The following ST6GAL1 variants were observed in gnomAD, a reference collection of about 807,000 sequenced individuals.
The protein encoded by ST6GAL1 is ST6 beta-galactoside alpha-2,6-sialyltransferase 1, also known as beta-galactoside alpha-2,6-sialyltransferase 1.
Under a neutral mutation model 38.0 loss-of-function variants are expected in ST6GAL1, and 20 were observed. That is an observed-to-expected ratio of 0.53 (90% CI 0.37 to 0.77). The LOEUF is 0.77. Among genes scored for constraint, ST6GAL1 ranks in the 30% least tolerant of loss-of-function variants. ST6GAL1 has a pLI of 0.00. For missense variants in ST6GAL1, 432 were observed against 496.4 expected (o/e 0.87, Z 1.23); for synonymous variants, 196 against 188.2 (o/e 1.04, Z -0.34).
intron 2 of ST6GAL1, 147 bp from the exon 3 acceptor site, chr3:187,038,595 T>C (rs1211573924): frequency 2.0e-5 from 3 of 152,256 alleles, no homozygotes; most frequent in Admixed American, 1.3e-4. Flanking sequence ...CTCTCTCTCT[T>C]TTTCCTGAGC....
At chr3:187,027,510 T>C (rs1244450485) in intron 2 of ST6GAL1, among the ~76,000 whole-genome samples, 2 of 152,216 alleles carry the variant, frequency 1.3e-5, no homozygotes, top group Non-Finnish European at 2.9e-5. Flanking sequence ...AGTCTGAGAA[T>C]CACTGTGCTC....
At chr3:186,968,311 A>T (rs2108529786) in intron 2 of ST6GAL1, among the ~76,000 whole-genome samples, 1 of 152,306 alleles carries the variant, frequency 6.6e-6, no homozygotes, top group Admixed American at 6.5e-5. Flanking sequence ...TTTCCCCACA[A>T]AGTAGATGCC....
At chr3:186,991,348 A>G (rs1035883129) in intron 2 of ST6GAL1, among the ~76,000 whole-genome samples, 27 of 152,254 alleles carry the variant, frequency 1.8e-4, no homozygotes, top group African/African-American at 6.3e-4. Context: ...CTGAAAGGTC[A>G]TGCCCTAATA....
chr3:187,007,881 A>G lies in ST6GAL1; in HGVS notation c.-182-30861A>G, dbSNP rs1716832535. Among the ~76,000 whole-genome samples, 4 of 152,328 alleles carry G rather than the reference A, an allele frequency of 2.6e-5. No individual in the cohort carries two copies. The South Asian group carries it at 8.3e-4, about 32-fold the overall frequency. On this transcript the variant is annotated intron_variant, in intron 2 of 7. Coordinates refer to ENST00000169298, the MANE Select transcript of ST6GAL1 (RefSeq NM_173216.2). ...AGATAGAAATTTTAGACCTGAAAAG[A>G]TGATATGGGCCCAGTAGCGGAATAA...
chr3:186,991,499 T>TA (rs920069398), intron 2 of ST6GAL1, among the ~76,000 whole-genome samples: 4 of 152,150 alleles, frequency 2.6e-5, no homozygotes, highest in African/African-American at 7.2e-5. Flanking sequence ...TCTTATTTGA[T>TA]ACACTTTTTA....
At chr3:186,942,022 A>G (rs938100712) in intron 1 of ST6GAL1, among the ~76,000 whole-genome samples, 10 of 152,276 alleles carry the variant, frequency 6.6e-5, no homozygotes, top group African/African-American at 1.9e-4. Flanking sequence ...AAAAAAAAAA[A>G]AAAAGTTGCA....
chr3:186,938,329 T>C (rs1184586087), intron 1 of ST6GAL1, among the ~76,000 whole-genome samples: 1 of 152,238 alleles, frequency 6.6e-6, no homozygotes, highest in Non-Finnish European at 1.5e-5. Context: ...GTATCGCCTA[T>C]GTAGACTTGG....
At chr3:186,994,866 A>G (rs1716309925) in intron 2 of ST6GAL1, among the ~76,000 whole-genome samples, 5 of 151,752 alleles carry the variant, frequency 3.3e-5, no homozygotes, top group Admixed American at 3.3e-4. Context: ...GCTTGAACCC[A>G]GGAGGCGGAG....
At chr3:186,940,553 C>G (rs1057404812) in intron 1 of ST6GAL1, among the ~76,000 whole-genome samples, 2 of 152,240 alleles carry the variant, frequency 1.3e-5, no homozygotes, top group Non-Finnish European at 2.9e-5. Context: ...CGGCCCAACA[C>G]AAATTCGTAA....
chr3:186,989,109 T>C (rs36011306), intron 2 of ST6GAL1, among the ~76,000 whole-genome samples: 19,511 of 152,172 alleles, frequency 0.13, 1,443 homozygotes, highest in Non-Finnish European at 0.17. Context: ...ACTGAGCTTA[T>C]TGTCATTCTT....
At chr3:187,004,374 C>A (rs1560159245) in intron 2 of ST6GAL1, among the ~76,000 whole-genome samples, 2 of 152,224 alleles carry the variant, frequency 1.3e-5, no homozygotes, top group African/African-American at 4.8e-5. Context: ...AGTGGCAGAG[C>A]CAGCCCCAGA....
At chr3:187,029,088 T>TAAAA (rs56166685) in intron 2 of ST6GAL1, among the ~76,000 whole-genome samples, 4 of 105,974 alleles carry the variant, frequency 3.8e-5, no homozygotes, top group Non-Finnish European at 5.5e-5. Context: ...ACCTTGTCTC[T>TAAAA]AAAAAAAAAA....
chr3:187,007,556 AAAAC>A (rs377443024), intron 2 of ST6GAL1, among the ~76,000 whole-genome samples: 11 of 152,314 alleles, frequency 7.2e-5, no homozygotes, highest in South Asian at 2.1e-4. Flanking sequence ...ATTTCCTGGT[AAAAC>A]AAACAAACAA....
At chr3:187,017,414 T>C (rs929279198) in intron 2 of ST6GAL1, among the ~76,000 whole-genome samples, 3 of 151,840 alleles carry the variant, frequency 2.0e-5, no homozygotes, top group Non-Finnish European at 4.4e-5. Context: ...CCAGGTAAGA[T>C]AGAGCAACAA....
At chr3:186,993,864 C>T (rs1023020306) in intron 2 of ST6GAL1, among the ~76,000 whole-genome samples, 4 of 152,054 alleles carry the variant, frequency 2.6e-5, no homozygotes, top group African/African-American at 9.7e-5. Context: ...TAGCACATTA[C>T]GTTATGTAAG....
intron 5 of ST6GAL1, among the ~76,000 whole-genome samples, chr3:187,057,342 T>A (rs896363245): frequency 6.6e-6 from 1 of 152,250 alleles, no homozygotes; most frequent in Non-Finnish European, 1.5e-5. Context: ...AGCTTTGTTC[T>A]GTTGCTGGCG....
chr3:187,074,397 G>A, intron 7 of ST6GAL1, 64 bp downstream of exon 7: 4 of 1,450,756 alleles, frequency 2.8e-6, no homozygotes, highest in Non-Finnish European at 3.6e-6. Context: ...CTTTTTTTCT[G>A]GGGTCTCATT....
At chr3:186,972,928 G>A (rs17374323) in intron 2 of ST6GAL1, among the ~76,000 whole-genome samples, 12,876 of 152,212 alleles carry the variant, frequency 0.085, 731 homozygotes, top group Non-Finnish European at 0.12. Flanking sequence ...TGTATTTCCA[G>A]GGGGAATGGA....
intron 2 of ST6GAL1, among the ~76,000 whole-genome samples, chr3:187,015,240 A>T (rs575489136): frequency 1.3e-5 from 2 of 152,316 alleles, no homozygotes; most frequent in South Asian, 4.1e-4. Flanking sequence ...CACGCACTTC[A>T]TAATTACTCC....
Sources: allele counts gnomAD v4.1 joint callset (sites outside exome capture counted in the v4.1 genomes callset), GRCh38; gene constraint gnomAD v4.1.1; transcripts MANE v1.5; gene names NCBI Gene and HGNC (gene_info 2026-07-23, HGNC 2026-07-21).